CEP112: variants seen among roughly 807,000 people sequenced by gnomAD.
CEP112 encodes centrosomal protein 112.
CEP112 carries 127 observed loss-of-function variants against 153.0 expected under a neutral mutation model. The observed-to-expected ratio is 0.83, with a 90% CI of 0.72 to 0.96. CEP112 has a LOEUF of 0.96. Among genes scored for constraint, CEP112 ranks in the 40% least tolerant of loss-of-function variants. The pLI, the probability that CEP112 is intolerant of heterozygous loss-of-function variation, is 0.00. For synonymous variants in CEP112, 358 were observed against 374.4 expected (o/e 0.96, Z 0.51); for missense variants, 1,089 against 1,101.2 (o/e 0.99, Z 0.16).
chr17:65,837,724 T>G (rs1378147056), intron 21 of CEP112, among the ~76,000 whole-genome samples: 1 of 152,198 alleles, frequency 6.6e-6, no homozygotes, highest in African/African-American at 2.4e-5. Context: ...CATAGGAGAC[T>G]CCATTTTGTT....
intron 24 of CEP112, among the ~76,000 whole-genome samples, chr17:65,675,616 G>A (rs1433316976): frequency 1.3e-5 from 2 of 149,558 alleles, no homozygotes; most frequent in African/African-American, 2.5e-5. Context: ...ACCAACATCC[G>A]ATGAGAATAT....
chr17:65,951,098 G>A (rs1319460322), intron 18 of CEP112, among the ~76,000 whole-genome samples: 1 of 151,970 alleles, frequency 6.6e-6, no homozygotes, highest in East Asian at 1.9e-4. Context: ...GCTTGGTCGT[G>A]GTGTATAATT....
chr17:65,767,924 G>A (rs909759772), intron 21 of CEP112, among the ~76,000 whole-genome samples: 1 of 151,972 alleles, frequency 6.6e-6, no homozygotes, highest in Non-Finnish European at 1.5e-5. Flanking sequence ...TGTCTTCATG[G>A]CTGAATTCTA....
At position 65,712,204 on chromosome 17, in the gene CEP112, G is replaced by A. The variant is rs112012470; in HGVS notation, c.2608-22986C>T. 9.7e-4 allele frequency among the ~76,000 whole-genome samples: 147 copies of A among 152,170 alleles called. 1 individual carries two copies. Among genetic ancestry groups the A allele is most frequent in the Non-Finnish European group, 1.3e-3 (88 of 68,008 alleles). On this transcript the variant is annotated intron_variant, in intron 23 of 26. Coordinates refer to ENST00000535342, the MANE Select transcript of CEP112 (RefSeq NM_001199165.4). ...ATGGATAGGTACTTGAATGCCCACT[G>A]TGCTCAACAAAATAATTTTTGAGAT...
intron 19 of CEP112, among the ~76,000 whole-genome samples, chr17:65,924,515 T>A (rs1443737616): frequency 6.6e-6 from 1 of 152,166 alleles, no homozygotes; most frequent in African/African-American, 2.4e-5. Flanking sequence ...CACATGTGCA[T>A]ATGTGTCTGC....
At chr17:65,754,081 T>C (rs4572439) in intron 21 of CEP112, among the ~76,000 whole-genome samples, 1,809 of 152,298 alleles carry the variant, frequency 0.012, 40 homozygotes, top group African/African-American at 0.042. Context: ...AAAAGTTACA[T>C]GGTGCAAGGC....
chr17:65,641,043 T>C lies in CEP112; in HGVS notation c.2720A>G (p.Tyr907Cys), dbSNP rs766702977. 1.2e-6 allele frequency: 2 copies of C among 1,605,812 alleles called. No individual in the cohort carries two copies. Among genetic ancestry groups the C allele is most frequent in the African/African-American group, 2.7e-5 (2 of 74,790 alleles). Residue 907 changes from tyrosine to cysteine, a missense_variant, in exon 25 of 27, where the codon TAT (tyrosine) becomes TGT (cysteine). Transcript: ENST00000535342. Reference protein sequence around the residue: ...QEQITYIRQEYETKLKGLMPA... With the variant: ...QEQITYIRQECETKLKGLMPA... ...CATCAATCCTTTCAATTTTGTTTCA[T>C]ATTCTTGTCGTATGTAAGTTATCTA...
At chr17:65,938,185 A>G (rs1337391237) in intron 18 of CEP112, among the ~76,000 whole-genome samples, 1 of 136,134 alleles carries the variant, frequency 7.3e-6, no homozygotes, top group African/African-American at 2.7e-5. Flanking sequence ...AGGGCGGGGC[A>G]AGATGTGCTT....
At chr17:65,936,683 C>T (rs2144354594) in intron 18 of CEP112, among the ~76,000 whole-genome samples, 1 of 121,782 alleles carries the variant, frequency 8.2e-6, no homozygotes, top group South Asian at 3.6e-4. Flanking sequence ...GAATAAAAAC[C>T]ACATGATTAT....
chr17:65,735,400 G>C (rs945027676), intron 23 of CEP112, among the ~76,000 whole-genome samples: 4 of 152,142 alleles, frequency 2.6e-5, no homozygotes, highest in Non-Finnish European at 2.9e-5. Flanking sequence ...CAGCAGAAGT[G>C]CTTCATGTGT....
At chr17:65,843,572 A>C (rs2057606068) in intron 21 of CEP112, among the ~76,000 whole-genome samples, 1 of 152,218 alleles carries the variant, frequency 6.6e-6, no homozygotes, top group Admixed American at 6.5e-5. Context: ...TAAAGGTTTA[A>C]GTAGTTTCTA....
chr17:66,134,284 T>C (rs187303789), intron 4 of CEP112, among the ~76,000 whole-genome samples: 2 of 152,346 alleles, frequency 1.3e-5, no homozygotes, highest in African/African-American at 4.8e-5. Flanking sequence ...CTTGTTTCAC[T>C]TGTAGCTGTC....
intron 6 of CEP112, among the ~76,000 whole-genome samples, chr17:66,121,544 T>G (rs2069591518): frequency 2.6e-5 from 4 of 152,208 alleles, no homozygotes; most frequent in African/African-American, 4.8e-5. Flanking sequence ...TTTTCTGCAT[T>G]CTTTTTTCAC....
chr17:66,053,183 T>G (rs1363767758), intron 12 of CEP112, among the ~76,000 whole-genome samples: 1 of 150,774 alleles, frequency 6.6e-6, no homozygotes. Context: ...GAAAAAAGAT[T>G]TATAAAGGCT....
intron 17 of CEP112, among the ~76,000 whole-genome samples, chr17:65,976,928 AG>A (rs951130142): frequency 2.0e-5 from 3 of 151,896 alleles, no homozygotes; most frequent in Non-Finnish European, 2.9e-5. Context: ...TAGTAGAAAC[AG>A]GGTTTCACCA....
At chr17:65,701,205 A>G (rs1442591959) in intron 23 of CEP112, among the ~76,000 whole-genome samples, 1 of 152,294 alleles carries the variant, frequency 6.6e-6, no homozygotes, top group East Asian at 1.9e-4. Flanking sequence ...ATGGCAGCAG[A>G]GCCACAAGAC....
intron 24 of CEP112, among the ~76,000 whole-genome samples, chr17:65,652,101 G>A (rs7405504): frequency 0.069 from 10,562 of 152,212 alleles, 935 homozygotes; most frequent in East Asian, 0.46. Context: ...ACCACAATGT[G>A]ATCTCTTTTT....
At chr17:66,052,391 A>G (rs1000696372) in intron 12 of CEP112, among the ~76,000 whole-genome samples, 1 of 152,218 alleles carries the variant, frequency 6.6e-6, no homozygotes, top group Non-Finnish European at 1.5e-5. Flanking sequence ...TCTGAGCCAC[A>G]TGCAGAGTAG....
intron 18 of CEP112, among the ~76,000 whole-genome samples, chr17:65,952,280 C>T (rs7225618): frequency 0.066 from 10,008 of 152,048 alleles, 491 homozygotes; most frequent in African/African-American, 0.12. Flanking sequence ...TGTGAAACAA[C>T]TGAAGCTGGA....
Sources: gnomAD v4.1 joint callset for allele counts (sites outside exome capture counted in the v4.1 genomes callset) on GRCh38, gnomAD v4.1.1 for gene constraint, MANE v1.5 for transcripts, NCBI Gene and HGNC (gene_info 2026-07-23, HGNC 2026-07-21) for gene names.